The following AP5M1 variants were observed in gnomAD, a reference collection of about 807,000 sequenced individuals.
AP5M1 encodes the protein AP-5 complex subunit mu-1.
Under a neutral mutation model 52.3 loss-of-function variants are expected in AP5M1, and 44 were observed. The ratio of observed to expected loss-of-function variants is 0.84; its 90% CI spans 0.66 to 1.08. The LOEUF is 1.08. AP5M1 is among the 50% of genes least tolerant of loss of function. AP5M1 has a pLI of 0.00. For synonymous variants in AP5M1, 213 were observed against 199.0 expected, an observed-to-expected ratio of 1.07 and a Z score of -0.59; for missense variants, 526 against 568.4, an observed-to-expected ratio of 0.93 and a Z score of 0.76.
chr14:57,279,004 T>G (rs1885107056), intron 2 of AP5M1, among the ~76,000 whole-genome samples: 1 of 152,144 alleles, frequency 6.6e-6, no homozygotes, highest in African/African-American at 2.4e-5. Flanking sequence ...CCAGTCAGAA[T>G]GGCTGTTATT....
chr14:57,283,448 C>T (rs2139694234), intron 6 of AP5M1, among the ~76,000 whole-genome samples: 1 of 152,208 alleles, frequency 6.6e-6, no homozygotes, highest in South Asian at 2.1e-4. Flanking sequence ...AAAAGCCAGG[C>T]ATAGTGGCGG....
rs537410967 is a variant in AP5M1, at chr14:57,295,122, G to A, written c.*6238G>A. The A allele has an allele frequency of 7.2e-5, 11 of 152,016 alleles. No homozygotes were observed. Among genetic ancestry groups the A allele is most frequent in the African/African-American group, 2.6e-4 (11 of 41,518 alleles). The allele number at this position is 152,016 out of a possible 1,614,324, so 9.4% of individuals were successfully genotyped here. A position where few individuals can be genotyped will look rare whatever the true frequency, so the allele number is the denominator to read the frequency against. ...GTACACCCATAGTTTCTCAACAGGT[G>A]TAGCAGATTTGTTTCTAAAGGACAT... is the stretch of plus-strand genomic sequence containing the variant. On this transcript the variant is annotated 3_prime_UTR_variant, in exon 8 of 8. Coordinates refer to ENST00000261558, the MANE Select transcript of AP5M1 (RefSeq NM_018229.4).
rs1004451166 is a variant in AP5M1, at chr14:57,278,244, G to A, written c.721-1951G>A. The stretch of plus-strand genomic sequence containing the variant: ...TATTCAAGAAGCACTGAGGAAATAA[G>A]TCTTTGATCCTCTAGCCGTAGCCTT... On this transcript the variant is annotated intron_variant, in intron 2 of 7. Transcript: ENST00000261558. Among the ~76,000 whole-genome samples the A allele has an allele frequency of 7.2e-5, 11 of 152,300 alleles. 1 individual carries two copies. The highest frequency in any genetic ancestry group is 1.6e-4 in the Non-Finnish European group (11 of 68,020).
At chr14:57,286,930 G>A (rs772286469) in intron 7 of AP5M1, among the ~76,000 whole-genome samples, 1 of 151,338 alleles carries the variant, frequency 6.6e-6, no homozygotes, top group Non-Finnish European at 1.5e-5. Flanking sequence ...TAAAAAAGAC[G>A]TTTCCTGATT....
At position 57,286,220 on chromosome 14, in the gene AP5M1, T is replaced by C. The variant is rs548959508; in HGVS notation, c.1294-3T>C. On this transcript the variant is annotated splice_polypyrimidine_tract_variant and splice_region_variant and intron_variant, in intron 6 of 7. Transcript: ENST00000261558. ...ATTTGGTACATTTCTCTCTTCTTTC[T>C]AGCTTCATTTTAGGATCTTAGATTA... 11 of 1,584,960 alleles carry C rather than the reference T, an allele frequency of 6.9e-6. No individual in the cohort carries two copies. Among genetic ancestry groups the C allele is most frequent in the East Asian group, 2.2e-5 (1 of 44,640 alleles).
At chr14:57,287,670 G>C (rs1431781308) in intron 7 of AP5M1, among the ~76,000 whole-genome samples, 1 of 151,960 alleles carries the variant, frequency 6.6e-6, no homozygotes, top group East Asian at 1.9e-4. Flanking sequence ...TCTTTCCTCT[G>C]TTAGTTTCAG....
chr14:57,274,477 A>G lies in AP5M1; in HGVS notation c.308A>G (p.Asp103Gly). 1 of 1,614,218 alleles carries G rather than the reference A, an allele frequency of 6.2e-7. No individual in the cohort carries two copies. The part of the protein sequence containing the change: ...LWPVVAFLKN[D>G]MIYACVPLVE... ...CCAGTTGTTGCTTTTCTGAAGAATG[A>G]CATGATATATGCTTGTGTTCCACTA... Residue 103 changes from aspartate (D) to glycine (G), a missense_variant, in exon 2 of 8, where the codon GAC becomes GGC. This residue lies in a region of AP5M1 where 425 missense variants were observed against 430.6 expected (regional missense o/e 0.99). Coordinates refer to ENST00000261558, the MANE Select transcript of AP5M1 (RefSeq NM_018229.4).
chr14:57,298,525 A>G lies in AP5M1; in HGVS notation c.*9641A>G, dbSNP rs955858646. On this transcript the variant is annotated 3_prime_UTR_variant, in exon 8 of 8. Coordinates refer to ENST00000261558, the MANE Select transcript of AP5M1 (RefSeq NM_018229.4). ...GATACCAAGTTATAAGTGCATAGGTATTCAATCAGTGTTCATTCCCTTCTG... is the reference window on the plus strand; with the variant it reads ...GATACCAAGTTATAAGTGCATAGGTGTTCAATCAGTGTTCATTCCCTTCTG... The G allele has an allele frequency of 6.6e-6, 1 of 152,156 alleles. No homozygotes were observed. The highest frequency in any genetic ancestry group is 2.4e-5 in the African/African-American group (1 of 41,444). 9.4% of individuals were successfully genotyped at this position (152,156 alleles called of 1,614,324 possible). A position where few individuals can be genotyped will look rare whatever the true frequency, so the allele number is the denominator to read the frequency against.
chr14:57,280,081 A>G, intron 2 of AP5M1, 114 bp from the exon 3 acceptor site: 1 of 776,416 alleles, frequency 1.3e-6, no homozygotes, highest in Admixed American at 2.0e-5. Context: ...AAAGAGAACA[A>G]TACCTAGAGA....
intron 2 of AP5M1, among the ~76,000 whole-genome samples, chr14:57,279,750 A>G (rs1222459537): frequency 6.6e-6 from 1 of 152,240 alleles, no homozygotes; most frequent in Non-Finnish European, 1.5e-5. Context: ...CAGGTAATAC[A>G]GAATTGAAGT....
rs999408219 is a variant in AP5M1 at position 57,295,530 on chromosome 14, C to G, written c.*6646C>G. On this transcript the variant is annotated 3_prime_UTR_variant, in exon 8 of 8. Coordinates refer to ENST00000261558, the MANE Select transcript of AP5M1 (RefSeq NM_018229.4). ...AATATTTGTTGCATCTTCAAGCAAC[C>G]TGCTGCTCTCCAGACTGTTACAGTG... The G allele has an allele frequency of 6.6e-6, 1 of 151,792 alleles. No homozygotes were observed. The highest frequency in any genetic ancestry group is 1.5e-5 in the Non-Finnish European group (1 of 67,858). 9.4% of individuals were successfully genotyped at this position (151,792 alleles called of 1,614,324 possible). A position where few individuals can be genotyped will look rare whatever the true frequency, so the allele number is the denominator to read the frequency against.
chr14:57,272,465 G>C (rs989269054), intron 1 of AP5M1, among the ~76,000 whole-genome samples: 1 of 152,110 alleles, frequency 6.6e-6, no homozygotes, highest in Non-Finnish European at 1.5e-5. Context: ...CTTACATCTG[G>C]CTTAGGTCGG....
chr14:57,284,117 A>G (rs1318339005), intron 6 of AP5M1, among the ~76,000 whole-genome samples: 1 of 152,226 alleles, frequency 6.6e-6, no homozygotes, highest in East Asian at 1.9e-4. Context: ...AAAAGGTGCT[A>G]CAGCTGAAGT....
chr14:57,283,172 A>G lies in AP5M1; in HGVS notation c.1235A>G (p.Lys412Arg), dbSNP rs796103817. ...TCTGGAACTGTAACTTTTGGAGCCA[A>G]GAGCCATGAGAAGCAGCCATTTGAC... ...SLSGTVTFGA[K>R]SHEKQPFDPI... The change falls in exon 6 of 8, where the codon AAG (lysine) becomes AGG (arginine). Residue 412 changes from lysine (K) to arginine (R), a missense_variant. Around this residue, in one of 3 missense-constraint regions of AP5M1, gnomAD observed 97 missense variants for 121.3 expected, o/e 0.80. Coordinates refer to ENST00000261558, the MANE Select transcript of AP5M1 (RefSeq NM_018229.4). The G allele has an allele frequency of 6.2e-7, 1 of 1,613,962 alleles. No homozygotes were observed. The highest frequency in any genetic ancestry group is 8.5e-7 in the Non-Finnish European group (1 of 1,179,954).
chr14:57,277,697 A>G (rs1424740423), intron 2 of AP5M1, among the ~76,000 whole-genome samples: 2 of 151,916 alleles, frequency 1.3e-5, no homozygotes, highest in Non-Finnish European at 2.9e-5. Context: ...CACACATGTC[A>G]AATAGTAGGT....
At position 57,274,545 on chromosome 14, in the gene AP5M1, A is replaced by G. The variant is rs376138884; in HGVS notation, c.376A>G (p.Ser126Gly). 6.2e-7 allele frequency: 1 copy of G among 1,614,086 alleles called. No homozygotes were observed. Among genetic ancestry groups the G allele is most frequent in the African/African-American group, 1.3e-5 (1 of 74,926 alleles). The change falls in exon 2 of 8, where the codon AGT becomes GGT. Residue 126 changes from serine to glycine, a missense_variant. By Grantham distance (56) the Ser-to-Gly change is moderately conservative. Transcript: ENST00000261558. ...LSPRPPLISV[S>G]GVSQGFEFLF... ...CCCTCGTCCGCCACTAATTAGTGTC[A>G]GTGGAGTTTCACAAGGCTTTGAATT...
chr14:57,288,721 C>A, intron 7 of AP5M1, 81 bp from the exon 8 acceptor site: 1 of 833,036 alleles, frequency 1.2e-6, no homozygotes, highest in Non-Finnish European at 2.0e-6. Flanking sequence ...CTGCATTCCA[C>A]AATTTCAAAA....
At chr14:57,270,969 T>C (rs929249388) in intron 1 of AP5M1, among the ~76,000 whole-genome samples, 2 of 152,364 alleles carry the variant, frequency 1.3e-5, no homozygotes, top group East Asian at 3.9e-4. Flanking sequence ...TAATCTGTAC[T>C]GGCTAATACT....
intron 1 of AP5M1, among the ~76,000 whole-genome samples, chr14:57,273,528 G>A (rs1884943577): frequency 6.6e-6 from 1 of 152,196 alleles, no homozygotes; most frequent in African/African-American, 2.4e-5. Context: ...ACAGATTTCT[G>A]TAAATAAGCA....
Sources: allele counts gnomAD v4.1 joint callset (sites outside exome capture counted in the v4.1 genomes callset), GRCh38; gene constraint gnomAD v4.1.1; regional missense constraint gnomAD v4.1.1; transcripts MANE v1.5; gene names NCBI Gene and HGNC (gene_info 2026-07-23, HGNC 2026-07-21).